Variants in GON4L observed in about 807,000 individuals in gnomAD.
The protein encoded by GON4L is gon-4 like.
Under a neutral mutation model 211.8 loss-of-function variants are expected in GON4L, and 87 were observed. The ratio of observed to expected loss-of-function variants is 0.41; its 90% CI spans 0.35 to 0.49. GON4L has a LOEUF of 0.49. Among genes scored for constraint, GON4L ranks in the 20% least tolerant of loss-of-function variants. GON4L has a pLI of 0.15. For missense variants in GON4L, 2,155 were observed against 2,659.5 expected (o/e 0.81, Z 4.17); for synonymous variants, 875 against 962.6 (o/e 0.91, Z 1.68).
intron 2 of GON4L, among the ~76,000 whole-genome samples, chr1:155,853,022 G>A (rs1671951458): frequency 6.6e-6 from 1 of 152,098 alleles, no homozygotes; most frequent in Admixed American, 6.6e-5. Context: ...TGAGGCAGGA[G>A]AATCGCTTGA....
chr1:155,848,992 C>A (rs958402609), intron 2 of GON4L, among the ~76,000 whole-genome samples: 1 of 151,206 alleles, frequency 6.6e-6, no homozygotes, highest in Admixed American at 6.6e-5. Context: ...TACTAAGATA[C>A]AAAAAATTAG....
chr1:155,760,319 G>A (rs1009144819), intron 24 of GON4L, 125 bp downstream of exon 24: 1 of 617,326 alleles, frequency 1.6e-6, no homozygotes, highest in Non-Finnish European at 2.9e-6. Flanking sequence ...TATCACTCTG[G>A]GCTAGGGGAT....
chr1:155,839,064 G>A (rs1216415353), intron 2 of GON4L, among the ~76,000 whole-genome samples: 1 of 152,062 alleles, frequency 6.6e-6, no homozygotes, highest in South Asian at 2.1e-4. Context: ...CAAAGAAGAT[G>A]TGTTTTTATT....
intron 11 of GON4L, among the ~76,000 whole-genome samples, chr1:155,801,880 C>A (rs1043111554): frequency 6.6e-6 from 1 of 150,998 alleles, no homozygotes; most frequent in African/African-American, 2.4e-5. Context: ...GAGACTCTGT[C>A]GAAGAAAAAA....
In GON4L at chr1:155,826,881, T is replaced by C. The variant is rs746412235; in HGVS notation, c.653A>G (p.Gln218Arg). ...QEKPLRTLFH[Q>R]PEEEIEDGGL... ...ACCATCTTCTATCTCTTCCTCAGGT[T>C]GGTGAAACAGAGTCCTGAGTGGCTT... is the stretch of plus-strand genomic sequence containing the variant. Residue 218 changes from glutamine to arginine, a missense_variant, in exon 3 of 32, where the codon CAA becomes CGA. Gln to Arg is a conservative substitution (Grantham distance 43). Coordinates refer to ENST00000368331, the MANE Select transcript of GON4L (RefSeq NM_001282860.2). 6.8e-6 allele frequency: 11 copies of C among 1,613,424 alleles called. No homozygotes were observed. The highest frequency in any genetic ancestry group is 1.3e-5 in the African/African-American group (1 of 74,920).
At chr1:155,809,811 ATACT>A in intron 10 of GON4L, among the ~76,000 whole-genome samples, 1 of 24,744 alleles carries the variant, frequency 4.0e-5, no homozygotes, top group Non-Finnish European at 1.1e-4. Context: ...TATAAATTAT[ATACT>A]TATATATAAT....
intron 5 of GON4L, among the ~76,000 whole-genome samples, 159 bp from the exon 6 acceptor site, chr1:155,820,815 T>C (rs1668664316): frequency 6.6e-6 from 1 of 152,112 alleles, no homozygotes; most frequent in Non-Finnish European, 1.5e-5. Context: ...ACACCCTCCC[T>C]ACAAAAAAAT....
intron 10 of GON4L, among the ~76,000 whole-genome samples, chr1:155,810,671 C>T (rs1667670857): frequency 6.8e-6 from 1 of 146,402 alleles, no homozygotes; most frequent in African/African-American, 2.6e-5. Context: ...CACGCCATCA[C>T]ACTCCAGCCT....
chr1:155,854,422 T>C (rs1672091814), intron 1 of GON4L, among the ~76,000 whole-genome samples: 2 of 152,210 alleles, frequency 1.3e-5, no homozygotes, highest in Non-Finnish European at 1.5e-5. Flanking sequence ...CCCAAAGTGC[T>C]GGGATTACAG....
chr1:155,853,586 C>T lies in GON4L; in HGVS notation c.195G>A (p.Gln65=). Residue 65 remains glutamine, a synonymous_variant, in exon 2 of 32, where the codon CAG becomes CAA. Coordinates refer to ENST00000368331, the MANE Select transcript of GON4L (RefSeq NM_001282860.2). ...CCATACCAAGCTGATTTCCTGCATC[C>T]TGCAAAGACTGTACTTCGAAGCCAG... ...RVAGFEVQSL[Q]DAGNQLGMED... 1 of 1,614,170 alleles carries T rather than the reference C, an allele frequency of 6.2e-7. No homozygotes were observed. Among genetic ancestry groups the T allele is most frequent in the South Asian group, 1.1e-5 (1 of 91,090 alleles).
intron 3 of GON4L, among the ~76,000 whole-genome samples, chr1:155,825,455 C>G (rs914847579): frequency 6.6e-6 from 1 of 151,488 alleles, no homozygotes; most frequent in Non-Finnish European, 1.5e-5. Flanking sequence ...GCCAGTAATC[C>G]CAGCTACCCA....
At chr1:155,779,866 C>T (rs938137107) in intron 14 of GON4L, among the ~76,000 whole-genome samples, 3 of 151,988 alleles carry the variant, frequency 2.0e-5, no homozygotes, top group Admixed American at 1.3e-4. Flanking sequence ...GGCATGATCT[C>T]GGCTCACTGC....
At chr1:155,830,629 T>A (rs1441948402) in intron 2 of GON4L, among the ~76,000 whole-genome samples, 1 of 152,056 alleles carries the variant, frequency 6.6e-6, no homozygotes, top group African/African-American at 2.4e-5. Flanking sequence ...CTCTGTCCCC[T>A]AGGCTGAAGT....
In GON4L at chr1:155,752,154, A is replaced by G; in HGVS notation, c.6279T>C (p.Pro2093=). 6.2e-7 allele frequency: 1 copy of G among 1,613,506 alleles called. No homozygotes were observed. Among genetic ancestry groups the G allele is most frequent in the Non-Finnish European group, 8.5e-7 (1 of 1,179,480 alleles). Residue 2093 remains proline (P), a synonymous_variant, in exon 30 of 32, where the codon CCT becomes CCC. Transcript: ENST00000368331. The stretch of plus-strand genomic sequence containing the variant: ...CAATTCCTGATGGAGATTCATGGAC[A>G]GGGCACGTCCTGTCTCTTGTCTTCA... ...ARVKTRDRTC[P]VHESPSGIDT...
chr1:155,768,878 G>A (rs1304373555), intron 19 of GON4L, among the ~76,000 whole-genome samples: 1 of 152,206 alleles, frequency 6.6e-6, no homozygotes. Context: ...GTGGTGCTAA[G>A]GCACTTGATA....
intron 2 of GON4L, among the ~76,000 whole-genome samples, chr1:155,847,982 T>C (rs1210445045): frequency 6.6e-6 from 1 of 152,150 alleles, no homozygotes; most frequent in East Asian, 1.9e-4. Flanking sequence ...AGAAGTTACC[T>C]TATATGGTTT....
intron 3 of GON4L, 70 bp downstream of exon 3, chr1:155,826,767 T>C (rs1669253144): frequency 1.0e-6 from 1 of 982,896 alleles, no homozygotes; most frequent in African/African-American, 1.6e-5. Flanking sequence ...TCTTAGGACA[T>C]GTGCAGTTTT....
In GON4L at chr1:155,815,238, T is replaced by C. The variant is rs1026774371; in HGVS notation, c.1161+567A>G. On this transcript the variant is annotated intron_variant, in intron 8 of 31. Coordinates refer to ENST00000368331, the MANE Select transcript of GON4L (RefSeq NM_001282860.2). ...ATTAAGAAACAAGTCAAAGAACATATTAACACAGCAATGAAAGGGAACGAA... is the reference window on the plus strand; with the variant it reads ...ATTAAGAAACAAGTCAAAGAACATACTAACACAGCAATGAAAGGGAACGAA... Among the ~76,000 whole-genome samples, 18 of 152,226 alleles carry C rather than the reference T, an allele frequency of 1.2e-4. No homozygotes were observed. In the South Asian group the frequency reaches 2.1e-3, roughly 18 times the overall value.
chr1:155,750,262 A>C lies in GON4L; in HGVS notation c.*322T>G. On this transcript the variant is annotated 3_prime_UTR_variant, in exon 32 of 32. Coordinates refer to ENST00000368331, the MANE Select transcript of GON4L (RefSeq NM_001282860.2). ...CTACACCAACATATGCACTTTTTAC[A>C]TTTAGAAACACTGTGATTAGACCAC... is the stretch of plus-strand genomic sequence containing the variant. 1.7e-6 allele frequency: 1 copy of C among 575,334 alleles called. No homozygotes were observed. The highest frequency in any genetic ancestry group is 3.1e-6 in the Non-Finnish European group (1 of 322,094). The allele number at this position is 575,334 out of a possible 1,614,324, so 35.6% of individuals were successfully genotyped here.
Sources: gnomAD v4.1 joint callset for allele counts (sites outside exome capture counted in the v4.1 genomes callset) on GRCh38, gnomAD v4.1.1 for gene constraint, MANE v1.5 for transcripts, NCBI Gene and HGNC (gene_info 2026-07-23, HGNC 2026-07-21) for gene names.